C2CD5: variants seen among roughly 807,000 people sequenced by gnomAD.
The protein encoded by C2CD5 is C2 domain-containing protein 5.
Under a neutral mutation model 130.3 loss-of-function variants are expected in C2CD5, and 109 were observed. The observed-to-expected ratio is 0.84, with a 90% confidence interval of 0.72 to 0.98. C2CD5 has a LOEUF of 0.98. Among genes scored for constraint, C2CD5 ranks in the 50% least tolerant of loss-of-function variants. The pLI is 0.00. For synonymous variants in C2CD5, 454 were observed against 429.2 expected (o/e 1.06, Z -0.71); for missense variants, 996 against 1,261.8 (o/e 0.79, Z 3.19).
intron 6 of C2CD5, among the ~76,000 whole-genome samples, chr12:22,524,169 T>C (rs1040987356): frequency 2.6e-5 from 4 of 152,076 alleles, no homozygotes; most frequent in African/African-American, 7.2e-5. Flanking sequence ...AAATGGTAGA[T>C]GAAGGAAAAC....
In C2CD5 at chr12:22,450,511, A is replaced by G. The variant is rs1304025123; in HGVS notation, c.3025-620T>C. The stretch of plus-strand genomic sequence containing the variant: ...TGAAAAATGACCTAAAGCTCAATCA[A>G]TATGGGTAAATCTTATGATAAATTA... On this transcript the variant is annotated intron_variant, in intron 26 of 26. Transcript: ENST00000446597. Among the ~76,000 whole-genome samples, 5 of 152,288 alleles carry G rather than the reference A, an allele frequency of 3.3e-5. No homozygotes were observed. The East Asian group carries it at 7.7e-4, about 23-fold the overall frequency.
chr12:22,468,979 T>G (rs1488826490), intron 22 of C2CD5, among the ~76,000 whole-genome samples: 1 of 152,176 alleles, frequency 6.6e-6, no homozygotes, highest in Non-Finnish European at 1.5e-5. Context: ...ATAAATTTAG[T>G]GAAAAACACA....
chr12:22,528,042 C>A (rs931777932), intron 3 of C2CD5, 150 bp from the exon 4 acceptor site: 16 of 463,086 alleles, frequency 3.5e-5, no homozygotes, highest in Non-Finnish European at 3.7e-6. Flanking sequence ...AATTAACACA[C>A]AAAAAGATAT....
chr12:22,523,016 C>T (rs1950405263), intron 7 of C2CD5, among the ~76,000 whole-genome samples: 1 of 151,996 alleles, frequency 6.6e-6, no homozygotes, highest in Admixed American at 6.6e-5. Context: ...GAGTTTGAGA[C>T]CAGGCTAGGC....
Position 22,449,744 on chromosome 12 carries a change from T to G in C2CD5, c.*16A>C. 6.4e-7 allele frequency: 1 copy of G among 1,564,232 alleles called. No homozygotes were observed. ...GATGAATTTCATTTAGTTGAGCTCTTTTTTCCTAATTTTCCTCAGGTTGTA... is the reference window on the plus strand; with the variant it reads ...GATGAATTTCATTTAGTTGAGCTCTGTTTTCCTAATTTTCCTCAGGTTGTA... On this transcript the variant is annotated 3_prime_UTR_variant, in exon 27 of 27. Coordinates refer to ENST00000446597, the MANE Select transcript of C2CD5 (RefSeq NM_001286176.2).
intron 9 of C2CD5, among the ~76,000 whole-genome samples, chr12:22,510,948 T>C (rs113432752): frequency 1.3e-5 from 2 of 152,154 alleles, no homozygotes; most frequent in Admixed American, 6.5e-5. Flanking sequence ...CTGGGCATCA[T>C]AGAGAGAGGC....
At chr12:22,501,400 C>T (rs1211394282) in intron 10 of C2CD5, among the ~76,000 whole-genome samples, 5 of 152,242 alleles carry the variant, frequency 3.3e-5, no homozygotes, top group Admixed American at 1.3e-4. Flanking sequence ...TTGACCAACA[C>T]ACATCTCACC....
intron 22 of C2CD5, among the ~76,000 whole-genome samples, chr12:22,467,366 T>C (rs955289273): frequency 6.6e-6 from 1 of 151,952 alleles, no homozygotes; most frequent in African/African-American, 2.4e-5. Context: ...AAGAGACTCC[T>C]AGGCTCAAGC....
chr12:22,501,180 T>C (rs896239120), intron 10 of C2CD5, among the ~76,000 whole-genome samples: 5 of 152,208 alleles, frequency 3.3e-5, no homozygotes, highest in Admixed American at 1.3e-4. Flanking sequence ...GTGTCATCAT[T>C]TATGTTCTTT....
intron 7 of C2CD5, among the ~76,000 whole-genome samples, chr12:22,519,613 G>A (rs942147585): frequency 6.6e-6 from 1 of 151,846 alleles, no homozygotes; most frequent in African/African-American, 2.4e-5. Context: ...GGGGAGGGAC[G>A]CCCATAAAAG....
At chr12:22,502,729 A>G in intron 10 of C2CD5, 1 of 1,486,846 alleles carries the variant, frequency 6.7e-7, no homozygotes, top group South Asian at 1.2e-5. Flanking sequence ...CTGAATGACC[A>G]TTAAAATACC....
chr12:22,478,717 G>A (rs1339495152), intron 14 of C2CD5, among the ~76,000 whole-genome samples: 1 of 152,004 alleles, frequency 6.6e-6, no homozygotes, highest in Non-Finnish European at 1.5e-5. Flanking sequence ...GTAGTGGTGT[G>A]TGCCCATAAT....
chr12:22,515,333 C>T (rs1308360187), intron 8 of C2CD5, among the ~76,000 whole-genome samples: 1 of 152,150 alleles, frequency 6.6e-6, no homozygotes, highest in African/African-American at 2.4e-5. Context: ...ATGAAAATAA[C>T]AGGCATAGTC....
intron 2 of C2CD5, among the ~76,000 whole-genome samples, chr12:22,543,724 G>A (rs1255098856): frequency 6.6e-6 from 1 of 151,336 alleles, no homozygotes; most frequent in Non-Finnish European, 1.5e-5. Flanking sequence ...GTGTGTGTGT[G>A]TATGTGTGTG....
chr12:22,450,885 A>C (rs1028279450), intron 26 of C2CD5, among the ~76,000 whole-genome samples: 1 of 152,150 alleles, frequency 6.6e-6, no homozygotes, highest in African/African-American at 2.4e-5. Flanking sequence ...TGTAACAAAC[A>C]ATAAAGGTAG....
intron 3 of C2CD5, among the ~76,000 whole-genome samples, chr12:22,533,398 T>G (rs1322200888): frequency 6.6e-6 from 1 of 152,198 alleles, no homozygotes; most frequent in Non-Finnish European, 1.5e-5. Flanking sequence ...AGTCTGTAAA[T>G]GAGAACTGTA....
chr12:22,479,980 T>G (rs1421197375), intron 14 of C2CD5, among the ~76,000 whole-genome samples: 2 of 152,196 alleles, frequency 1.3e-5, no homozygotes, highest in Non-Finnish European at 1.5e-5. Context: ...TGAACACCAA[T>G]CCTAAAAAGG....
intron 10 of C2CD5, 81 bp from the exon 11 acceptor site, chr12:22,493,418 TA>T (rs1946611271): frequency 2.9e-6 from 2 of 687,364 alleles, no homozygotes; most frequent in Non-Finnish European, 2.4e-6. Context: ...ATAAACATAC[TA>T]TGGGAAGTAA....
At chr12:22,466,862 T>C (rs924146125) in intron 22 of C2CD5, among the ~76,000 whole-genome samples, 2 of 152,226 alleles carry the variant, frequency 1.3e-5, no homozygotes, top group Non-Finnish European at 2.9e-5. Flanking sequence ...GTATTAGATG[T>C]GATGGTCTGA....
Sources: allele counts gnomAD v4.1 joint callset (sites outside exome capture counted in the v4.1 genomes callset), GRCh38; gene constraint gnomAD v4.1.1; transcripts MANE v1.5; gene names NCBI Gene and HGNC (gene_info 2026-07-23, HGNC 2026-07-21).